TRPC1: variants seen among roughly 807,000 people sequenced by gnomAD.
TRPC1 encodes short transient receptor potential channel 1.
Under a neutral mutation model 88.2 loss-of-function variants are expected in TRPC1, and 42 were observed. The ratio of observed to expected loss-of-function variants is 0.48; its 90% CI spans 0.37 to 0.62. TRPC1 has a LOEUF of 0.62. TRPC1 is among the 20% of genes least tolerant of loss of function. TRPC1 has a pLI of 0.00. For synonymous variants in TRPC1, 288 were observed against 331.8 expected (o/e 0.87, Z 1.43); for missense variants, 699 against 957.3 (o/e 0.73, Z 3.56).
At chr3:142,793,699 T>C in intron 9 of TRPC1, 1 of 358,654 alleles carries the variant, frequency 2.8e-6, no homozygotes, top group Non-Finnish European at 3.9e-6. Context: ...GCTAGCTCTA[T>C]GTAATACTAT....
intron 7 of TRPC1, among the ~76,000 whole-genome samples, chr3:142,789,054 A>G (rs757554365): frequency 2.6e-5 from 4 of 152,222 alleles, no homozygotes; most frequent in Non-Finnish European, 4.4e-5. Context: ...CATTTCTGTA[A>G]ACATCTTTCT....
intron 9 of TRPC1, among the ~76,000 whole-genome samples, chr3:142,797,520 G>C (rs924918487): frequency 3.9e-5 from 6 of 152,052 alleles, no homozygotes; most frequent in Non-Finnish European, 7.4e-5. Context: ...TATGGTACTT[G>C]AAAGAGCTTG....
rs1033231784 is a variant in TRPC1 at position 142,807,454 on chromosome 3, T to TAA, written c.*1220_*1221dup. 2.0e-5 allele frequency: 3 copies of TAA among 152,228 alleles called. No homozygotes were observed. 9.4% of individuals were successfully genotyped at this position (152,228 alleles called of 1,614,324 possible). ...TATATATTCTCGCAGCATTTCCAGT[T>TAA]AAGAGGATATTAGGTATATAATTCT... is the stretch of plus-strand genomic sequence containing the variant. On this transcript the variant is annotated 3_prime_UTR_variant, in exon 13 of 13. Transcript: ENST00000476941.
intron 7 of TRPC1, among the ~76,000 whole-genome samples, chr3:142,786,202 A>G (rs983774370): frequency 6.6e-6 from 1 of 152,138 alleles, no homozygotes; most frequent in Non-Finnish European, 1.5e-5. Flanking sequence ...TTTGCTATAG[A>G]GTAAAAGGGT....
chr3:142,724,484 G>C lies in TRPC1; in HGVS notation c.-76G>C, dbSNP rs1291704595. 4.3e-6 allele frequency: 6 copies of C among 1,395,500 alleles called. No individual in the cohort carries two copies. Among genetic ancestry groups the C allele is most frequent in the Non-Finnish European group, 5.7e-6 (6 of 1,061,218 alleles). 86.4% of individuals were successfully genotyped at this position (1,395,500 alleles called of 1,614,324 possible). Reference sequence around the variant, plus strand: ...ATCCTTTTTCCAGCCCTGGGGCGTGGCTGGGGTCGGGGTCGGGGTCGGGGC... The same window carrying C: ...ATCCTTTTTCCAGCCCTGGGGCGTGCCTGGGGTCGGGGTCGGGGTCGGGGC... On this transcript the variant is annotated 5_prime_UTR_variant, in exon 1 of 13. Coordinates refer to ENST00000476941, the MANE Select transcript of TRPC1 (RefSeq NM_001251845.2). The surrounding 1 kb of genome is among the most constrained non-coding windows in gnomAD (Gnocchi z 5.6).
rs1194647218 is a variant in TRPC1, at chr3:142,797,717, G to A, written c.1582-4452G>A. 2.6e-5 allele frequency among the ~76,000 whole-genome samples: 4 copies of A among 152,176 alleles called. No homozygotes were observed. The East Asian group carries it at 7.7e-4, about 29-fold the overall frequency. On this transcript the variant is annotated intron_variant, in intron 9 of 12. Coordinates refer to ENST00000476941, the MANE Select transcript of TRPC1 (RefSeq NM_001251845.2). ...GGATTAAATGGGTCAGTGTATGTAA[G>A]ATGCATACCACAGTACTTGACACAT...
intron 7 of TRPC1, among the ~76,000 whole-genome samples, chr3:142,787,842 A>C (rs1051256230): frequency 3.9e-5 from 6 of 152,208 alleles, no homozygotes; most frequent in Non-Finnish European, 8.8e-5. Context: ...AGACACGTTG[A>C]GGAAGTAATA....
At chr3:142,788,581 G>C (rs1286219840) in intron 7 of TRPC1, among the ~76,000 whole-genome samples, 4 of 151,968 alleles carry the variant, frequency 2.6e-5, no homozygotes, top group Admixed American at 2.6e-4. Flanking sequence ...TCTGGAGCTT[G>C]AGTTAGAAAG....
intron 4 of TRPC1, among the ~76,000 whole-genome samples, chr3:142,755,969 T>G (rs1577966195): frequency 6.6e-6 from 1 of 152,336 alleles, no homozygotes; most frequent in East Asian, 1.9e-4. Flanking sequence ...TTGTAGTCTT[T>G]TCTTTACTAG....
intron 4 of TRPC1, among the ~76,000 whole-genome samples, chr3:142,751,788 G>A (rs1405491538): frequency 6.6e-6 from 1 of 152,124 alleles, no homozygotes; most frequent in Non-Finnish European, 1.5e-5. Flanking sequence ...ATGGATTTGA[G>A]ATAGTGACAG....
At chr3:142,745,077 C>G (rs1027399661) in intron 3 of TRPC1, among the ~76,000 whole-genome samples, 29 of 152,076 alleles carry the variant, frequency 1.9e-4, no homozygotes, top group Admixed American at 1.9e-3. Flanking sequence ...GTGACTTTCT[C>G]CAGAGGATAG....
chr3:142,760,426 T>C (rs1393193745), intron 4 of TRPC1, among the ~76,000 whole-genome samples: 1 of 152,172 alleles, frequency 6.6e-6, no homozygotes, highest in Non-Finnish European at 1.5e-5. Flanking sequence ...CTGTATTATG[T>C]TCCATTGGTC....
At chr3:142,793,999 G>T (rs747341933) in intron 9 of TRPC1, 1 of 683,154 alleles carries the variant, frequency 1.5e-6, no homozygotes, top group Non-Finnish European at 1.8e-6. Flanking sequence ...TACCTCTTGG[G>T]AATTGACAGT....
Position 142,806,149 on chromosome 3 carries a change from C to G in TRPC1, c.2296C>G (p.Gln766Glu), listed in dbSNP as rs761440539. 1.2e-6 allele frequency: 2 copies of G among 1,613,784 alleles called. No homozygotes were observed. Among genetic ancestry groups the G allele is most frequent in the Admixed American group, 3.3e-5 (2 of 59,966 alleles). ...ATVENLNELR[Q>E]DLSKFRNEIR... ...TGTGGAAAATCTAAACGAACTGCGCCAAGATCTGTCAAAATTCCGAAATGA... is the reference window on the plus strand; with the variant it reads ...TGTGGAAAATCTAAACGAACTGCGCGAAGATCTGTCAAAATTCCGAAATGA... The change falls in exon 13 of 13, where the codon CAA becomes GAA. Residue 766 changes from glutamine (Q) to glutamate (E), a missense_variant. Physicochemically the swap from Gln to Glu is conservative, Grantham distance 29 (BLOSUM62 2). Around this residue, in one of 4 missense-constraint regions of TRPC1, gnomAD observed 105 missense variants for 141.7 expected, o/e 0.74. Coordinates refer to ENST00000476941, the MANE Select transcript of TRPC1 (RefSeq NM_001251845.2).
At chr3:142,786,607 C>T (rs976941218) in intron 7 of TRPC1, among the ~76,000 whole-genome samples, 3 of 151,850 alleles carry the variant, frequency 2.0e-5, no homozygotes, top group Non-Finnish European at 4.4e-5. Flanking sequence ...TAAACTTTAC[C>T]ATATATGGTT....
chr3:142,765,844 C>G (rs1034324531), intron 4 of TRPC1, among the ~76,000 whole-genome samples: 1 of 151,992 alleles, frequency 6.6e-6, no homozygotes, highest in African/African-American at 2.4e-5. Context: ...GACCTAATAT[C>G]CACAACCTAT....
chr3:142,730,560 A>T (rs900600649), intron 1 of TRPC1, among the ~76,000 whole-genome samples: 1 of 150,792 alleles, frequency 6.6e-6, no homozygotes, highest in Non-Finnish European at 1.5e-5. Flanking sequence ...TGCACATTTG[A>T]TAAAGCTACA....
chr3:142,724,883 C>T lies in TRPC1; in HGVS notation c.172+152C>T. The T allele has an allele frequency of 2.2e-6, 2 of 889,414 alleles. No individual in the cohort carries two copies. The highest frequency in any genetic ancestry group is 3.1e-6 in the Non-Finnish European group (2 of 638,230). 55.1% of individuals were successfully genotyped at this position (889,414 alleles called of 1,614,324 possible). A position where few individuals can be genotyped will look rare whatever the true frequency, so the allele number is the denominator to read the frequency against. On this transcript the variant is annotated intron_variant, in intron 1 of 12. Transcript: ENST00000476941. This position sits in a 1 kb window ranked among gnomAD's most constrained non-coding sequence, Gnocchi z 5.6. ...GCTGCCTCAGGCGGTCTTCTCCTCA[C>T]CGCCTCTGCCCTGTGAGTGTGGAGC...
At chr3:142,771,789 T>C (rs1270878858) in intron 4 of TRPC1, among the ~76,000 whole-genome samples, 2 of 152,204 alleles carry the variant, frequency 1.3e-5, no homozygotes, top group Non-Finnish European at 2.9e-5. Flanking sequence ...TCTATATAAT[T>C]GCTTTTTAAA....
Sources: gnomAD v4.1 joint callset for allele counts (sites outside exome capture counted in the v4.1 genomes callset) on GRCh38, gnomAD v4.1.1 for gene constraint, gnomAD v4.1.1 regional missense constraint, Gnocchi (gnomAD v3.1) non-coding constraint, MANE v1.5 for transcripts, NCBI Gene and HGNC (gene_info 2026-07-23, HGNC 2026-07-21) for gene names.